The following PLCH1 variants were observed in gnomAD, a reference collection of about 807,000 sequenced individuals.
PLCH1 encodes phospholipase C eta 1.
In PLCH1, 60 loss-of-function variants were observed where a neutral mutation model predicts 126.7. The ratio of observed to expected loss-of-function variants is 0.47; its 90% CI spans 0.38 to 0.59. PLCH1 has a LOEUF of 0.59. Ranked by LOEUF, PLCH1 falls within the 20% of genes least tolerant of loss-of-function variation. The pLI, the probability that PLCH1 is intolerant of heterozygous loss-of-function variation, is 0.00. For missense variants in PLCH1, 1,723 were observed against 2,040.0 expected, an observed-to-expected ratio of 0.84 and a Z score of 2.99; for synonymous variants, 719 against 734.9, an observed-to-expected ratio of 0.98 and a Z score of 0.35.
chr3:155,468,590 C>A (rs1713019681), intron 21 of PLCH1, among the ~76,000 whole-genome samples: 1 of 152,118 alleles, frequency 6.6e-6, no homozygotes, highest in Non-Finnish European at 1.5e-5. Context: ...GCAGGAGTCA[C>A]TATACTTACA....
intron 6 of PLCH1, among the ~76,000 whole-genome samples, chr3:155,578,481 G>A (rs536286939): frequency 1.3e-5 from 2 of 152,280 alleles, no homozygotes; most frequent in African/African-American, 4.8e-5. Flanking sequence ...GTTGGTTGCT[G>A]GCTACCAGCC....
At chr3:155,656,534 T>C (rs924884820) in intron 2 of PLCH1, among the ~76,000 whole-genome samples, 2 of 152,174 alleles carry the variant, frequency 1.3e-5, no homozygotes, top group African/African-American at 4.8e-5. Context: ...TCACCAGATA[T>C]AAGAAGAAAA....
intron 6 of PLCH1, among the ~76,000 whole-genome samples, chr3:155,579,610 G>A (rs915771579): frequency 4.6e-5 from 7 of 152,172 alleles, no homozygotes; most frequent in Non-Finnish European, 2.9e-5. Flanking sequence ...CATTACTGAT[G>A]AAGACGATAA....
At chr3:155,719,070 G>T (rs895998771) in intron 1 of PLCH1, among the ~76,000 whole-genome samples, 2 of 152,070 alleles carry the variant, frequency 1.3e-5, no homozygotes, top group Non-Finnish European at 2.9e-5. Context: ...GCACGAATCA[G>T]TTCTTTAGTG....
intron 1 of PLCH1, among the ~76,000 whole-genome samples, chr3:155,729,852 A>C (rs2109170441): frequency 1.3e-5 from 2 of 150,304 alleles, no homozygotes; most frequent in African/African-American, 4.9e-5. Flanking sequence ...TGAGCCCAGG[A>C]GGCAGAGGTT....
At chr3:155,601,234 C>T (rs917193259) in intron 2 of PLCH1, among the ~76,000 whole-genome samples, 12 of 152,176 alleles carry the variant, frequency 7.9e-5, no homozygotes, top group Admixed American at 3.3e-4. Flanking sequence ...GCCTTGGCCT[C>T]CCAAAGTGCT....
In PLCH1 at chr3:155,554,007, G is replaced by A. The variant is rs145178832; in HGVS notation, c.1190+69C>T. ...CCAAGGAAGAGGATGTGGTTTTGTA[G>A]CTACGTTACATCAGGCAATGCTCCA... is the stretch of plus-strand genomic sequence containing the variant. On this transcript the variant is annotated intron_variant, in intron 9 of 22. Coordinates refer to ENST00000460012, the MANE Select transcript of PLCH1 (RefSeq NM_014996.4). 128 of 1,499,568 alleles carry A rather than the reference G, an allele frequency of 8.5e-5. No homozygotes were observed. The African/African-American group carries it at 1.3e-3, about 15-fold the overall frequency. 92.9% of individuals were successfully genotyped at this position (1,499,568 alleles called of 1,614,324 possible).
At chr3:155,567,367 G>A (rs374484766) in intron 7 of PLCH1, among the ~76,000 whole-genome samples, 23 of 152,156 alleles carry the variant, frequency 1.5e-4, no homozygotes, top group East Asian at 5.8e-4. Context: ...CACCACACCC[G>A]GCTAATGATC....
At chr3:155,505,936 G>C (rs1403328776) in intron 12 of PLCH1, among the ~76,000 whole-genome samples, 1 of 149,356 alleles carries the variant, frequency 6.7e-6, no homozygotes, top group Admixed American at 6.7e-5. Context: ...ATTAATCTGT[G>C]AGTTCCTCTC....
intron 4 of PLCH1, among the ~76,000 whole-genome samples, chr3:155,588,081 A>C (rs557186913): frequency 1.4e-3 from 208 of 152,332 alleles, no homozygotes; most frequent in African/African-American, 4.9e-3. Flanking sequence ...TGACTGTAGA[A>C]GATTATACCT....
At chr3:155,561,383 G>A (rs1293344736) in intron 8 of PLCH1, among the ~76,000 whole-genome samples, 2 of 150,604 alleles carry the variant, frequency 1.3e-5, no homozygotes, top group South Asian at 2.1e-4. Flanking sequence ...AATATGCGGA[G>A]TTTGGTTTTT....
chr3:155,692,870 C>T (rs1170631167), intron 2 of PLCH1, among the ~76,000 whole-genome samples: 1 of 152,078 alleles, frequency 6.6e-6, no homozygotes, highest in African/African-American at 2.4e-5. Context: ...CATTCTCCTG[C>T]CTCAGCCTCC....
intron 4 of PLCH1, among the ~76,000 whole-genome samples, chr3:155,590,306 C>T (rs1230669835): frequency 3.3e-5 from 5 of 152,290 alleles, no homozygotes; most frequent in East Asian, 1.9e-4. Flanking sequence ...AGGCCAGGTG[C>T]GGTGGCTCAC....
At chr3:155,512,545 T>C (rs558373524) in intron 12 of PLCH1, among the ~76,000 whole-genome samples, 114 of 151,898 alleles carry the variant, frequency 7.5e-4, no homozygotes, top group African/African-American at 2.3e-3. Context: ...AGCCTAAAGG[T>C]GAGTACAAGT....
chr3:155,743,613 A>C (rs561502429), intron 1 of PLCH1: 96 of 435,468 alleles, frequency 2.2e-4, no homozygotes, highest in Non-Finnish European at 3.8e-4. Flanking sequence ...TCTCTGCAGA[A>C]GACTTTAACC....
intron 10 of PLCH1, 129 bp downstream of exon 10, chr3:155,549,658 T>C (rs1725843922): frequency 1.5e-6 from 1 of 658,520 alleles, no homozygotes; most frequent in Non-Finnish European, 2.6e-6. Flanking sequence ...GGCGCATACA[T>C]AGATCTAGAC....
At chr3:155,608,638 C>A (rs1036687656) in intron 2 of PLCH1, among the ~76,000 whole-genome samples, 17 of 152,030 alleles carry the variant, frequency 1.1e-4, no homozygotes. Context: ...AGTGAGGCAG[C>A]CGTAATTACT....
chr3:155,482,833 T>A lies in PLCH1; in HGVS notation c.3193A>T (p.Asn1065Tyr), dbSNP rs1298668284. 4 of 1,614,178 alleles carry A rather than the reference T, an allele frequency of 2.5e-6. No individual in the cohort carries two copies. The highest frequency in any genetic ancestry group is 3.4e-6 in the Non-Finnish European group (4 of 1,180,028). The stretch of plus-strand genomic sequence containing the variant: ...CTGGGACAGGGGTTTTCCTGGCAAT[T>A]GCTTGTGGCATTTGATGTGGTTCTC... ...GGRTTSNATS[N>Y]CQENPCPSKS... The change falls in exon 23 of 23, where the codon AAT (asparagine) becomes TAT (tyrosine). Residue 1065 changes from asparagine (N) to tyrosine (Y), a missense_variant. Asn to Tyr is a moderately radical substitution (Grantham distance 143). Coordinates refer to ENST00000460012, the MANE Select transcript of PLCH1 (RefSeq NM_014996.4).
intron 21 of PLCH1, among the ~76,000 whole-genome samples, chr3:155,471,160 G>A (rs1173738433): frequency 6.6e-6 from 1 of 152,162 alleles, no homozygotes; most frequent in Non-Finnish European, 1.5e-5. Context: ...AGACCCATCA[G>A]TGTGCTGTAT....
Sources: allele counts gnomAD v4.1 joint callset (sites outside exome capture counted in the v4.1 genomes callset), GRCh38; gene constraint gnomAD v4.1.1; transcripts MANE v1.5; gene names NCBI Gene and HGNC (gene_info 2026-07-23, HGNC 2026-07-21).